Variants in DPH6 observed in about 807,000 individuals in gnomAD.
The protein encoded by DPH6 is diphthamine biosynthesis 6.
DPH6 carries 33 observed loss-of-function variants against 38.2 expected under a neutral mutation model. The ratio of observed to expected loss-of-function variants is 0.86; its 90% CI spans 0.65 to 1.15. The LOEUF is 1.15. Among genes scored for constraint, DPH6 ranks in the 50% most tolerant of loss-of-function variants. The pLI, the probability that DPH6 is intolerant of heterozygous loss-of-function variation, is 0.00. For missense variants in DPH6, 325 were observed against 320.0 expected (o/e 1.02, Z -0.12); for synonymous variants, 108 against 103.0 (o/e 1.05, Z -0.30).
the DPH6 span, among the ~76,000 whole-genome samples, chr15:35,186,228 A>C: frequency 1.2e-4 from 18 of 152,008 alleles, no homozygotes; most frequent in African/African-American, 4.4e-4. Context: ...GCCTGTAGCA[A>C]CTCCTTTATA....
chr15:35,302,950 A>G (rs1490665121), intron 3 of DPH6, among the ~76,000 whole-genome samples: 1 of 152,168 alleles, frequency 6.6e-6, no homozygotes, highest in East Asian at 1.9e-4. Context: ...ATATTAAAAA[A>G]TAAAATTTGG....
chr15:35,385,999 C>T (rs993353000), intron 6 of DPH6, among the ~76,000 whole-genome samples: 3 of 151,938 alleles, frequency 2.0e-5, no homozygotes, highest in Non-Finnish European at 4.4e-5. Flanking sequence ...CTCCCTGCTA[C>T]CCCCACCCCA....
chr15:35,382,458 C>T (rs1252606252), intron 6 of DPH6, among the ~76,000 whole-genome samples: 3 of 151,804 alleles, frequency 2.0e-5, no homozygotes, highest in African/African-American at 7.3e-5. Context: ...AAAACACACA[C>T]ACACACACAC....
At chr15:35,478,364 CAT>C (rs1370689264) in intron 3 of DPH6, among the ~76,000 whole-genome samples, 9 of 75,928 alleles carry the variant, frequency 1.2e-4, no homozygotes, top group South Asian at 1.3e-3. Context: ...CATACCCACA[CAT>C]ACACACACAC....
chr15:35,270,270 T>G (rs1278588981), intron 3 of DPH6, among the ~76,000 whole-genome samples: 1 of 152,232 alleles, frequency 6.6e-6, no homozygotes, highest in African/African-American at 2.4e-5. Context: ...TTACTTGCTA[T>G]AGTCTTTAGT....
chr15:35,541,481 G>A (rs1218444715), intron 2 of DPH6, among the ~76,000 whole-genome samples: 1 of 149,034 alleles, frequency 6.7e-6, no homozygotes, highest in Non-Finnish European at 1.5e-5. Flanking sequence ...CAAGTATTTA[G>A]CTAGATTCCA....
At chr15:35,208,029 C>G in the DPH6 span, among the ~76,000 whole-genome samples, 1 of 152,180 alleles carries the variant, frequency 6.6e-6, no homozygotes, top group African/African-American at 2.4e-5. Context: ...ATTCTACAAA[C>G]TGTTTACTGG....
rs190538188 is a variant in DPH6, at chr15:35,403,214, T to C, written c.567+7621A>G. The stretch of plus-strand genomic sequence containing the variant: ...CATGTACACCATGGGGCAAGAAAGG[T>C]ATGGTTTTTACTTGCTTTCTTTCAC... On this transcript the variant is annotated intron_variant, in intron 6 of 8. Coordinates refer to ENST00000256538, the MANE Select transcript of DPH6 (RefSeq NM_080650.4). Among the ~76,000 whole-genome samples, 16 of 152,158 alleles carry C rather than the reference T, an allele frequency of 1.1e-4. No individual in the cohort carries two copies. In the East Asian group the frequency reaches 3.1e-3, roughly 29 times the overall value.
chr15:35,491,599 TCTC>T (rs1182491036), intron 3 of DPH6, among the ~76,000 whole-genome samples: 1 of 149,284 alleles, frequency 6.7e-6, no homozygotes, highest in African/African-American at 2.5e-5. Flanking sequence ...AGATTCTCTC[TCTC>T]GATATATATA....
intron 3 of DPH6, among the ~76,000 whole-genome samples, chr15:35,248,044 T>G (rs1435677205): frequency 1.3e-5 from 2 of 152,240 alleles, no homozygotes. Context: ...TTGTAAGTGA[T>G]GCAATCTTTA....
intron 3 of DPH6, among the ~76,000 whole-genome samples, chr15:35,302,841 T>C (rs1223994739): frequency 1.3e-5 from 2 of 152,080 alleles, no homozygotes; most frequent in African/African-American, 4.8e-5. Flanking sequence ...CCACCTGAAT[T>C]CAAACTTGAA....
the DPH6 span, among the ~76,000 whole-genome samples, chr15:35,166,882 T>C: frequency 6.6e-6 from 1 of 151,950 alleles, no homozygotes; most frequent in Admixed American, 6.6e-5. Flanking sequence ...AATGCTATCA[T>C]TCTCAAGCAG....
chr15:35,356,080 A>G (rs1296984176), intron 3 of DPH6, among the ~76,000 whole-genome samples: 1 of 152,132 alleles, frequency 6.6e-6, no homozygotes, highest in East Asian at 1.9e-4. Context: ...TCGAATCGGT[A>G]TTGAAGCTTG....
At chr15:35,317,580 T>C (rs1342490793) in intron 3 of DPH6, among the ~76,000 whole-genome samples, 2 of 126,760 alleles carry the variant, frequency 1.6e-5, no homozygotes, top group African/African-American at 8.4e-5. Context: ...CTAACATGAG[T>C]TCTGCTGGAC....
At chr15:35,351,317 T>C (rs1413638482) in intron 3 of DPH6, among the ~76,000 whole-genome samples, 2 of 151,890 alleles carry the variant, frequency 1.3e-5, no homozygotes, top group Non-Finnish European at 2.9e-5. Flanking sequence ...CTCTCATAGA[T>C]AGCATATAGT....
At chr15:35,260,524 G>T (rs1290142076) in intron 3 of DPH6, among the ~76,000 whole-genome samples, 3 of 150,704 alleles carry the variant, frequency 2.0e-5, no homozygotes, top group African/African-American at 4.9e-5. Context: ...TAAGTAATAT[G>T]AAGTTTAATA....
At chr15:35,501,996 A>G (rs1338574256) in intron 3 of DPH6, among the ~76,000 whole-genome samples, 1 of 152,194 alleles carries the variant, frequency 6.6e-6, no homozygotes, top group Non-Finnish European at 1.5e-5. Context: ...TAAATGACCT[A>G]GAATTATGAT....
At chr15:35,230,533 G>A (rs545790028) in intron 3 of DPH6, among the ~76,000 whole-genome samples, 12 of 152,132 alleles carry the variant, frequency 7.9e-5, no homozygotes, top group East Asian at 1.9e-4. Flanking sequence ...TGGCTGAGCC[G>A]GGATCCAAGG....
intron 2 of DPH6, among the ~76,000 whole-genome samples, chr15:35,541,925 A>G (rs866911016): frequency 6.6e-6 from 1 of 152,148 alleles, no homozygotes; most frequent in Non-Finnish European, 1.5e-5. Context: ...GCTTCTCTCA[A>G]GTCTCACATT....
Sources: gnomAD v4.1 joint callset for allele counts (sites outside exome capture counted in the v4.1 genomes callset) on GRCh38, gnomAD v4.1.1 for gene constraint, MANE v1.5 for transcripts, NCBI Gene and HGNC (gene_info 2026-07-23, HGNC 2026-07-21) for gene names.